The following TBC1D22A variants were observed in gnomAD, a reference collection of about 807,000 sequenced individuals.
TBC1D22A encodes TBC1 domain family member 22A.
In TBC1D22A, 38 loss-of-function variants were observed where a neutral mutation model predicts 60.2. The ratio of observed to expected loss-of-function variants is 0.63; its 90% CI spans 0.49 to 0.83. The LOEUF is 0.83. Among genes scored for constraint, TBC1D22A ranks in the 40% least tolerant of loss-of-function variants. The pLI, the probability that TBC1D22A is intolerant of heterozygous loss-of-function variation, is 0.00. For synonymous variants in TBC1D22A, 302 were observed against 281.7 expected (o/e 1.07, Z -0.72); for missense variants, 628 against 701.0 (o/e 0.90, Z 1.18).
chr22:46,918,138 A>G (rs2070504264), intron 8 of TBC1D22A, among the ~76,000 whole-genome samples: 3 of 152,254 alleles, frequency 2.0e-5, no homozygotes, highest in Admixed American at 2.0e-4. Flanking sequence ...TATGGAACGC[A>G]GTAAGTGTCC....
chr22:46,826,730 G>A (rs1206346480), intron 4 of TBC1D22A, among the ~76,000 whole-genome samples: 1 of 152,104 alleles, frequency 6.6e-6, no homozygotes, highest in Non-Finnish European at 1.5e-5. Flanking sequence ...GTGAAGTGTT[G>A]TACCCATTTT....
chr22:46,803,096 A>G (rs1035602506), intron 4 of TBC1D22A, among the ~76,000 whole-genome samples: 2 of 151,858 alleles, frequency 1.3e-5, no homozygotes, highest in Non-Finnish European at 1.5e-5. Flanking sequence ...GGTTACAGCC[A>G]CTGGGGGCCT....
At chr22:46,853,848 G>A (rs1235301300) in intron 4 of TBC1D22A, among the ~76,000 whole-genome samples, 1 of 152,222 alleles carries the variant, frequency 6.6e-6, no homozygotes, top group African/African-American at 2.4e-5. Context: ...TGGGCACAGA[G>A]CTGGGCGCAG....
At chr22:47,147,701 C>A (rs1227617882) in intron 12 of TBC1D22A, among the ~76,000 whole-genome samples, 1 of 152,228 alleles carries the variant, frequency 6.6e-6, no homozygotes, top group Non-Finnish European at 1.5e-5. Context: ...TGGGAGTGAG[C>A]CCCGCCGCAG....
intron 2 of TBC1D22A, 155 bp downstream of exon 2, chr22:46,792,731 G>T: frequency 6.5e-7 from 1 of 1,536,380 alleles, no homozygotes; most frequent in East Asian, 2.3e-5. Flanking sequence ...CGCTTTGTGT[G>T]AGATACTGTG....
At chr22:47,019,115 G>A (rs944677212) in intron 10 of TBC1D22A, among the ~76,000 whole-genome samples, 2 of 152,216 alleles carry the variant, frequency 1.3e-5, no homozygotes, top group African/African-American at 2.4e-5. Flanking sequence ...CTGGCCTGGC[G>A]CCCACATCCA....
chr22:46,921,019 C>T (rs1365286319), intron 8 of TBC1D22A, among the ~76,000 whole-genome samples: 1 of 152,094 alleles, frequency 6.6e-6, no homozygotes, highest in African/African-American at 2.4e-5. Flanking sequence ...GATCCACCCA[C>T]CTCGGCCTCC....
At chr22:46,844,935 T>C (rs2086925681) in intron 4 of TBC1D22A, among the ~76,000 whole-genome samples, 1 of 152,162 alleles carries the variant, frequency 6.6e-6, no homozygotes, top group Non-Finnish European at 1.5e-5. Context: ...TGTGCCATAG[T>C]CAGATTTGGT....
At chr22:46,878,426 A>C (rs1384345465) in intron 4 of TBC1D22A, among the ~76,000 whole-genome samples, 2 of 105,062 alleles carry the variant, frequency 1.9e-5, no homozygotes, top group Non-Finnish European at 4.2e-5. Context: ...GGGTAGCTCC[A>C]GGATTCTGTT....
chr22:46,950,085 C>T (rs1019403486), intron 8 of TBC1D22A, among the ~76,000 whole-genome samples: 7 of 152,168 alleles, frequency 4.6e-5, no homozygotes, highest in Non-Finnish European at 1.5e-5. Context: ...TGGGTGGACT[C>T]CAGGAGACCA....
intron 12 of TBC1D22A, among the ~76,000 whole-genome samples, chr22:47,154,707 T>TA (rs2067643225): frequency 6.6e-6 from 1 of 152,222 alleles, no homozygotes; most frequent in South Asian, 2.1e-4. Flanking sequence ...CAGGGAGTGA[T>TA]GGCGGCTGCT....
chr22:46,949,148 C>G (rs146924890), intron 8 of TBC1D22A, among the ~76,000 whole-genome samples: 4 of 152,208 alleles, frequency 2.6e-5, no homozygotes, highest in African/African-American at 9.6e-5. Context: ...GATTGTGTCG[C>G]ATTTTGCTTC....
chr22:46,992,314 C>T (rs2074974575), intron 9 of TBC1D22A, among the ~76,000 whole-genome samples: 2 of 152,274 alleles, frequency 1.3e-5, no homozygotes, highest in South Asian at 2.1e-4. Context: ...CCGTCCGAAA[C>T]GTTGCCTGCT....
chr22:46,852,028 G>A (rs1034906392), intron 4 of TBC1D22A, among the ~76,000 whole-genome samples: 5 of 152,246 alleles, frequency 3.3e-5, no homozygotes, highest in Non-Finnish European at 7.3e-5. Flanking sequence ...GGGCCTAGAA[G>A]ATGCTTCGTG....
At chr22:47,132,567 C>A (rs574275302) in intron 12 of TBC1D22A, among the ~76,000 whole-genome samples, 48 of 152,370 alleles carry the variant, frequency 3.2e-4, no homozygotes, top group African/African-American at 1.1e-3. Flanking sequence ...CCTCCGACCC[C>A]ACAGGACATG....
chr22:47,091,123 C>T (rs565549650), intron 11 of TBC1D22A, among the ~76,000 whole-genome samples: 31 of 131,646 alleles, frequency 2.4e-4, no homozygotes, highest in African/African-American at 8.2e-4. Flanking sequence ...TGGGGAGTGG[C>T]CTCGGGGAGG....
intron 12 of TBC1D22A, among the ~76,000 whole-genome samples, chr22:47,117,707 G>T (rs1185892658): frequency 6.6e-6 from 1 of 152,238 alleles, no homozygotes; most frequent in Non-Finnish European, 1.5e-5. Context: ...CCTTGTAGAG[G>T]CTGTGATCTG....
intron 9 of TBC1D22A, among the ~76,000 whole-genome samples, chr22:46,988,260 A>T (rs1244417888): frequency 6.6e-6 from 1 of 152,216 alleles, no homozygotes; most frequent in African/African-American, 2.4e-5. Flanking sequence ...CCTCAAAGTC[A>T]TTCACGAATG....
At chr22:47,045,589 C>T (rs2063004934) in intron 11 of TBC1D22A, among the ~76,000 whole-genome samples, 4 of 152,214 alleles carry the variant, frequency 2.6e-5, no homozygotes, top group Non-Finnish European at 5.9e-5. Flanking sequence ...AAACATGCAG[C>T]AGAACGGGCA....
Sources: gnomAD v4.1 joint callset for allele counts (sites outside exome capture counted in the v4.1 genomes callset) on GRCh38, gnomAD v4.1.1 for gene constraint, MANE v1.5 for transcripts, NCBI Gene and HGNC (gene_info 2026-07-23, HGNC 2026-07-21) for gene names.